The following HELZ variants were observed in gnomAD, a reference collection of about 807,000 sequenced individuals.
HELZ encodes the protein helicase with zinc finger.
HELZ carries 23 observed loss-of-function variants against 218.2 expected under a neutral mutation model. The ratio of observed to expected loss-of-function variants is 0.11; its 90% CI spans 0.08 to 0.15. The LOEUF (loss-of-function observed/expected upper bound fraction) is 0.15. HELZ is among the 10% of genes least tolerant of loss of function. The pLI, the probability that HELZ is intolerant of heterozygous loss-of-function variation, is 1.00. For missense variants in HELZ, 1,813 were observed against 2,353.7 expected (o/e 0.77, Z 4.75); for synonymous variants, 814 against 829.4 (o/e 0.98, Z 0.32).
rs987715669 is a variant in HELZ at position 67,109,640 on chromosome 17, G to A, written c.3965C>T (p.Pro1322Leu). The A allele has an allele frequency of 1.9e-6, 3 of 1,614,054 alleles. No individual in the cohort carries two copies. Among genetic ancestry groups the A allele is most frequent in the Admixed American group, 3.3e-5 (2 of 60,022 alleles). Residue 1322 changes from proline (P) to leucine (L), a missense_variant, in exon 29 of 33, where the codon CCT becomes CTT. Transcript: ENST00000358691. ...NPQNRSPESRPSVVYPSTKFP... is the reference protein window; with the variant it reads ...NPQNRSPESRLSVVYPSTKFP... ...TTTGGTACTGGGATAAACAACACTA[G>A]GACGTGATTCAGGACTTCTGTTCTG...
At position 67,212,314 on chromosome 17, in the gene HELZ, C is replaced by CAAAAAAAAAAAAAAAAAAAAAAAA. The variant is rs10692832; in HGVS notation, c.247+3584_247+3585insTTTTTTTTTTTTTTTTTTTTTTTT. Among the ~76,000 whole-genome samples, 10 of 21,406 alleles carry CAAAAAAAAAAAAAAAAAAAAAAAA rather than the reference C, an allele frequency of 4.7e-4. 4 individuals carry two copies. The Admixed American group carries it at 4.9e-3, about 10-fold the overall frequency. The allele number at this position is 21,406 out of a possible 152,430, so 14.0% of individuals were successfully genotyped here. On this transcript the variant is annotated intron_variant, in intron 5 of 32. Transcript: ENST00000358691. ...TGGGCGACAGGGAGAGACACCATCT[C>CAAAAAAAAAAAAAAAAAAAAAAAA]AAAAAAAAAAAAAAAAAAAAAGGCT...
At chr17:67,140,997 GC>G (rs36111557) in intron 21 of HELZ, among the ~76,000 whole-genome samples, 45,297 of 151,920 alleles carry the variant, frequency 0.3, 7,814 homozygotes, top group East Asian at 0.69. Context: ...AAAAATGAGG[GC>G]AAAATAAAGA....
intron 5 of HELZ, among the ~76,000 whole-genome samples, chr17:67,205,339 AT>A (rs2040268745): frequency 2.0e-5 from 3 of 152,044 alleles, no homozygotes; most frequent in Admixed American, 2.0e-4. Context: ...AAAAAAAAAA[AT>A]TGCTCTGAAG....
chr17:67,205,377 G>A (rs1293117353), intron 5 of HELZ, among the ~76,000 whole-genome samples: 1 of 151,972 alleles, frequency 6.6e-6, no homozygotes, highest in Non-Finnish European at 1.5e-5. Context: ...CTAAGGTATG[G>A]ATTAGTTACA....
intron 13 of HELZ, chr17:67,172,921 A>G: frequency 2.8e-6 from 1 of 353,062 alleles, no homozygotes; most frequent in Non-Finnish European, 4.0e-6. Flanking sequence ...GCCATATATT[A>G]AAGTTTCACT....
At chr17:67,106,549 T>C (rs796406276) in intron 31 of HELZ, among the ~76,000 whole-genome samples, 23 of 152,244 alleles carry the variant, frequency 1.5e-4, no homozygotes, top group African/African-American at 5.5e-4. Flanking sequence ...CCTCGTGATC[T>C]GCCCGCCTCG....
In HELZ at chr17:67,108,647, G is replaced by A; in HGVS notation, c.4569C>T (p.Ala1523=). 2 of 1,614,042 alleles carry A rather than the reference G, an allele frequency of 1.2e-6. No individual in the cohort carries two copies. The highest frequency in any genetic ancestry group is 1.7e-6 in the Non-Finnish European group (2 of 1,179,974). ...ARFQQWSEHH[A]FLSQGSAPYP... ...ATGGAGCGCTGCCCTGACTGAGAAA[G>A]GCATGATGCTCGCTCCACTGCTGGA... The change falls in exon 30 of 33, where the codon GCC becomes GCT. Residue 1523 remains alanine, a synonymous_variant. Coordinates refer to ENST00000358691, the MANE Select transcript of HELZ (RefSeq NM_014877.4). The surrounding 1 kb of genome is among the most constrained non-coding windows in gnomAD (Gnocchi z 4.1).
chr17:67,234,623 C>A (rs1433980432), intron 3 of HELZ, among the ~76,000 whole-genome samples: 1 of 151,604 alleles, frequency 6.6e-6, no homozygotes, highest in Non-Finnish European at 1.5e-5. Flanking sequence ...GTGCTTCAGG[C>A]CAGGAGTTCA....
intron 3 of HELZ, among the ~76,000 whole-genome samples, chr17:67,219,855 A>G (rs1027222938): frequency 6.6e-6 from 1 of 152,216 alleles, no homozygotes; most frequent in Non-Finnish European, 1.5e-5. Flanking sequence ...TAGTCCAAGT[A>G]AGAAATAGCA....
intron 15 of HELZ, among the ~76,000 whole-genome samples, chr17:67,162,724 C>T (rs988066367): frequency 8.7e-5 from 13 of 149,320 alleles, no homozygotes; most frequent in Admixed American, 8.0e-4. Flanking sequence ...CAAAGCCTTG[C>T]TTATTGTTAA....
intron 31 of HELZ, among the ~76,000 whole-genome samples, chr17:67,088,347 T>G (rs954803498): frequency 1.3e-5 from 2 of 152,180 alleles, no homozygotes; most frequent in Non-Finnish European, 2.9e-5. Context: ...AATCAGGAAC[T>G]GGAGGCTGGA....
At chr17:67,125,286 CTATATATATATATA>C (rs57513241) in intron 24 of HELZ, among the ~76,000 whole-genome samples, 108 of 70,084 alleles carry the variant, frequency 1.5e-3, no homozygotes, top group African/African-American at 3.7e-3. Flanking sequence ...TTGGCACCAA[CTATATATATATATA>C]TATATATATA....
intron 5 of HELZ, among the ~76,000 whole-genome samples, chr17:67,206,213 G>C (rs2040292291): frequency 6.6e-6 from 1 of 152,350 alleles, no homozygotes; most frequent in Middle Eastern, 3.4e-3. Flanking sequence ...CTATGTGTGA[G>C]AGTGTACTGT....
Position 67,108,291 on chromosome 17 carries a change from C to A in HELZ, c.4724+201G>T, listed in dbSNP as rs1429991663. On this transcript the variant is annotated intron_variant, in intron 30 of 32. Transcript: ENST00000358691. The surrounding 1 kb of genome is among the most constrained non-coding windows in gnomAD (Gnocchi z 4.1). ...TCCAACCCATAGTAGATCATCCATG[C>A]CTAAATTTGTAGAAGAGTTACTTCT... 3.7e-6 allele frequency: 2 copies of A among 545,048 alleles called. No individual in the cohort carries two copies. Among genetic ancestry groups the A allele is most frequent in the Non-Finnish European group, 6.6e-6 (2 of 304,834 alleles). 33.8% of individuals were successfully genotyped at this position (545,048 alleles called of 1,614,324 possible).
At chr17:67,086,774 A>C in intron 32 of HELZ, 55 bp downstream of exon 32, 1 of 1,586,184 alleles carries the variant, frequency 6.3e-7, no homozygotes, top group Non-Finnish European at 8.6e-7. Flanking sequence ...AAAACTCCAC[A>C]GATATCCGGG....
chr17:67,183,454 G>A (rs1340450447), intron 12 of HELZ, among the ~76,000 whole-genome samples: 1 of 152,140 alleles, frequency 6.6e-6, no homozygotes, highest in East Asian at 1.9e-4. Flanking sequence ...ACAGTATGTA[G>A]ATATATAATA....
intron 3 of HELZ, among the ~76,000 whole-genome samples, chr17:67,238,345 C>A (rs1403446749): frequency 3.9e-5 from 5 of 126,992 alleles, no homozygotes; most frequent in Non-Finnish European, 8.1e-5. Flanking sequence ...AAGACTCTGT[C>A]TCTCAAAAAA....
At chr17:67,088,426 A>G (rs2036459035) in intron 31 of HELZ, among the ~76,000 whole-genome samples, 1 of 152,218 alleles carries the variant, frequency 6.6e-6, no homozygotes, top group Admixed American at 6.5e-5. Context: ...ATAAAATAGC[A>G]CAAGCAGACA....
At chr17:67,207,294 A>C (rs2040331565) in intron 5 of HELZ, among the ~76,000 whole-genome samples, 1 of 135,984 alleles carries the variant, frequency 7.4e-6, no homozygotes, top group Non-Finnish European at 1.5e-5. Flanking sequence ...GATTAGGCTC[A>C]CTGCAACCAC....
Sources: allele counts gnomAD v4.1 joint callset (sites outside exome capture counted in the v4.1 genomes callset), GRCh38; gene constraint gnomAD v4.1.1; non-coding constraint Gnocchi (gnomAD v3.1); transcripts MANE v1.5; gene names NCBI Gene and HGNC (gene_info 2026-07-23, HGNC 2026-07-21).